ARNT2: variants seen among roughly 807,000 people sequenced by gnomAD.
ARNT2 encodes aryl hydrocarbon receptor nuclear translocator 2.
Under a neutral mutation model 91.7 loss-of-function variants are expected in ARNT2, and 36 were observed. The observed-to-expected ratio is 0.39, with a 90% CI of 0.30 to 0.52. The LOEUF is 0.52. ARNT2 is among the 20% of genes least tolerant of loss of function. The pLI is 0.72. For synonymous variants in ARNT2, 365 were observed against 347.1 expected, an observed-to-expected ratio of 1.05 and a Z score of -0.57; for missense variants, 775 against 939.3, an observed-to-expected ratio of 0.83 and a Z score of 2.29.
chr15:80,437,236 A>G (rs1896101309), intron 1 of ARNT2, among the ~76,000 whole-genome samples: 1 of 152,056 alleles, frequency 6.6e-6, no homozygotes, highest in African/African-American at 2.4e-5. Flanking sequence ...GAGGAACTGC[A>G]CGCTCGTCAG....
chr15:80,485,973 C>T (rs540869098), intron 5 of ARNT2, among the ~76,000 whole-genome samples: 18 of 152,278 alleles, frequency 1.2e-4, no homozygotes, highest in South Asian at 8.3e-4. Flanking sequence ...GTTATCTTGC[C>T]GTTCTGGAGG....
intron 1 of ARNT2, among the ~76,000 whole-genome samples, chr15:80,429,290 CT>C (rs1431296381): frequency 6.6e-6 from 1 of 152,332 alleles, no homozygotes; most frequent in Admixed American, 6.5e-5. Context: ...AGCCCCACCC[CT>C]GACCTCTGAG....
rs140552425 is a variant in ARNT2, at chr15:80,551,799, C to T, written c.954+524C>T. 3.3e-3 allele frequency among the ~76,000 whole-genome samples: 503 copies of T among 152,236 alleles called. 2 individuals carry two copies. Among genetic ancestry groups the T allele is most frequent in the South Asian group, 9.7e-3 (47 of 4,824 alleles). ...TATCTGCTCATCTTTCAAGACCCAA[C>T]TAAAATGTCTCCCTGATCTTAGTCT... On this transcript the variant is annotated intron_variant, in intron 9 of 18. Coordinates refer to ENST00000303329, the MANE Select transcript of ARNT2 (RefSeq NM_014862.4).
chr15:80,579,210 T>C (rs1898745547), intron 15 of ARNT2, among the ~76,000 whole-genome samples: 1 of 152,158 alleles, frequency 6.6e-6, no homozygotes, highest in Admixed American at 6.5e-5. Flanking sequence ...GGCTGGGGGC[T>C]GTGGAGAGGG....
chr15:80,552,564 ATTC>A (rs1195723976), intron 9 of ARNT2, 73 bp from the exon 10 acceptor site: 4 of 1,529,258 alleles, frequency 2.6e-6, no homozygotes, highest in Admixed American at 1.8e-5. Flanking sequence ...CACATGGATT[ATTC>A]TTCTCATCTC....
chr15:80,459,465 A>G (rs577693682), intron 3 of ARNT2, among the ~76,000 whole-genome samples: 1 of 152,272 alleles, frequency 6.6e-6, no homozygotes, highest in South Asian at 2.1e-4. Flanking sequence ...TGAAGGAACA[A>G]TGACTTTGGT....
In ARNT2 at chr15:80,518,277, C is replaced by CTTTTTTTTTTTTTTTTT. The variant is rs56726705; in HGVS notation, c.877+3878_877+3894dup. Among the ~76,000 whole-genome samples, 39 of 89,354 alleles carry CTTTTTTTTTTTTTTTTT rather than the reference C, an allele frequency of 4.4e-4. 1 individual carries two copies. Among genetic ancestry groups the CTTTTTTTTTTTTTTTTT allele is most frequent in the East Asian group, 7.1e-4 (2 of 2,806 alleles). 58.6% of individuals were successfully genotyped at this position (89,354 alleles called of 152,430 possible). On this transcript the variant is annotated intron_variant, in intron 8 of 18. Transcript: ENST00000303329. ...CCGAAGAACTTTTTCTTTTTCTATT[C>CTTTTTTTTTTTTTTTTT]TTTTTTTTTTTTTTTTTTTTTTGAG...
In ARNT2 at chr15:80,404,680, CACTA is replaced by C; in HGVS notation, c.31+135_31+138del. The C allele has an allele frequency of 4.3e-6, 2 of 461,012 alleles. No homozygotes were observed. Among genetic ancestry groups the C allele is most frequent in the Non-Finnish European group, 2.9e-6 (1 of 347,772 alleles). 28.6% of individuals were successfully genotyped at this position (461,012 alleles called of 1,614,324 possible). On this transcript the variant is annotated intron_variant, in intron 1 of 18. Coordinates refer to ENST00000303329, the MANE Select transcript of ARNT2 (RefSeq NM_014862.4). The surrounding 1 kb of genome is among the most constrained non-coding windows in gnomAD (Gnocchi z 5.5). ...GCGCGGTGGGTGGTGGAGCGGCTGTCACTACGCGGCAGCCGCAGCATCAGCACCA... is the reference window on the plus strand; with the variant it reads ...GCGCGGTGGGTGGTGGAGCGGCTGTCCGCGGCAGCCGCAGCATCAGCACCA...
chr15:80,415,613 G>C (rs1045294451), intron 1 of ARNT2, among the ~76,000 whole-genome samples: 6 of 152,144 alleles, frequency 3.9e-5, no homozygotes, highest in South Asian at 2.1e-4. Context: ...AGGCCATTTC[G>C]GAAGTCCACG....
rs77658680 is a variant in ARNT2, at chr15:80,566,323, C to T, written c.1316+3084C>T. On this transcript the variant is annotated intron_variant, in intron 12 of 18. Coordinates refer to ENST00000303329, the MANE Select transcript of ARNT2 (RefSeq NM_014862.4). ...ACACCAGGACCCTCCTGGTGATTCT[C>T]TTCCTGTTCATGAGTGTATCTATCT... 5.8e-3 allele frequency among the ~76,000 whole-genome samples: 885 copies of T among 152,308 alleles called. 2 individuals carry two copies. Among genetic ancestry groups the T allele is most frequent in the Non-Finnish European group, 0.01 (699 of 68,032 alleles).
chr15:80,522,026 T>C (rs1177972822), intron 8 of ARNT2, among the ~76,000 whole-genome samples: 1 of 152,094 alleles, frequency 6.6e-6, no homozygotes, highest in East Asian at 1.9e-4. Context: ...ATGAACAATA[T>C]GGATGATTTG....
chr15:80,555,268 C>A, intron 11 of ARNT2, 129 bp downstream of exon 11: 3 of 884,550 alleles, frequency 3.4e-6, no homozygotes. Context: ...CACTCAGGGC[C>A]CCTGCTAGGA....
intron 9 of ARNT2, among the ~76,000 whole-genome samples, chr15:80,551,987 T>G (rs989266682): frequency 6.6e-6 from 1 of 152,162 alleles, no homozygotes; most frequent in African/African-American, 2.4e-5. Context: ...TTAAATTTGC[T>G]CAATGTCTGG....
At chr15:80,454,346 G>C (rs1016694585) in intron 2 of ARNT2, among the ~76,000 whole-genome samples, 1 of 152,208 alleles carries the variant, frequency 6.6e-6, no homozygotes, top group Non-Finnish European at 1.5e-5. Flanking sequence ...ATGGGTTGGA[G>C]GGTGGAGGCT....
At chr15:80,473,113 A>G (rs1434095013) in intron 4 of ARNT2, among the ~76,000 whole-genome samples, 1 of 152,186 alleles carries the variant, frequency 6.6e-6, no homozygotes, top group Non-Finnish European at 1.5e-5. Context: ...TAACCTTGCA[A>G]GAGCTCACTG....
chr15:80,591,774 T>A lies in ARNT2; in HGVS notation c.2055+70T>A. ...TCTCTGCTTCCTTTCCCCCTCGGTC[T>A]CTGCCGCACCACCGCCTGCCCGATA... On this transcript the variant is annotated intron_variant, in intron 18 of 18. Transcript: ENST00000303329. The surrounding 1 kb of genome is among the most constrained non-coding windows in gnomAD (Gnocchi z 5.1). The A allele has an allele frequency of 6.3e-7, 1 of 1,592,436 alleles. No individual in the cohort carries two copies. The highest frequency in any genetic ancestry group is 8.6e-7 in the Non-Finnish European group (1 of 1,166,026).
intron 1 of ARNT2, among the ~76,000 whole-genome samples, chr15:80,447,054 C>G (rs747779722): frequency 1.3e-5 from 2 of 152,050 alleles, no homozygotes; most frequent in Non-Finnish European, 1.5e-5. Flanking sequence ...TAAAATAAAA[C>G]CCACCTATAA....
intron 5 of ARNT2, among the ~76,000 whole-genome samples, chr15:80,482,300 T>C (rs1896902530): frequency 1.3e-5 from 2 of 152,188 alleles, no homozygotes; most frequent in South Asian, 4.1e-4. Context: ...ATTTGATAAA[T>C]ACACTTGCCC....
At chr15:80,453,495 G>A (rs1263214919) in intron 2 of ARNT2, among the ~76,000 whole-genome samples, 2 of 152,188 alleles carry the variant, frequency 1.3e-5, no homozygotes, top group Non-Finnish European at 2.9e-5. Flanking sequence ...AGTAATTCTT[G>A]CATCTGACGT....
Sources: allele counts gnomAD v4.1 joint callset (sites outside exome capture counted in the v4.1 genomes callset), GRCh38; gene constraint gnomAD v4.1.1; non-coding constraint Gnocchi (gnomAD v3.1); transcripts MANE v1.5; gene names NCBI Gene and HGNC (gene_info 2026-07-23, HGNC 2026-07-21).